The following FAAH2 variants were observed in gnomAD, a reference collection of about 807,000 sequenced individuals.
FAAH2 encodes the protein fatty-acid amide hydrolase 2.
FAAH2 carries 60 observed loss-of-function variants against 36.9 expected under a neutral mutation model. The observed-to-expected ratio is 1.63, with a 90% CI of 1.32 to 2.02. FAAH2 has a LOEUF of 2.02. Among genes scored for constraint, FAAH2 ranks in the 30% most tolerant of loss-of-function variants. The pLI, the probability that FAAH2 is intolerant of heterozygous loss-of-function variation, is 0.00. For missense variants in FAAH2, 689 were observed against 397.5 expected, an observed-to-expected ratio of 1.73 and a Z score of -6.23; for synonymous variants, 214 against 143.8, an observed-to-expected ratio of 1.49 and a Z score of -3.49.
chrX:57,147,620 G>C, the FAAH2 span, among the ~76,000 whole-genome samples: 2 of 111,433 alleles, frequency 1.8e-5, no homozygotes, highest in Non-Finnish European at 3.8e-5. Flanking sequence ...GTTTGTTTTT[G>C]TTTCTCTAGT....
At chrX:57,241,170 T>A in the FAAH2 span, among the ~76,000 whole-genome samples, 10 of 112,063 alleles carry the variant, frequency 8.9e-5, no homozygotes, top group Admixed American at 1.9e-4. Context: ...GTTTGTGGAC[T>A]CCTTCTTTAC....
the FAAH2 span, among the ~76,000 whole-genome samples, chrX:57,253,574 G>A: frequency 8.9e-6 from 1 of 111,806 alleles, no homozygotes; most frequent in Non-Finnish European, 1.9e-5. Flanking sequence ...GGATCTCTTG[G>A]CAGAAACCCT....
chrX:57,469,994 T>C (rs1233429668), intron 10 of FAAH2, among the ~76,000 whole-genome samples: 1 of 111,720 alleles, frequency 9.0e-6, no homozygotes, highest in Non-Finnish European at 1.9e-5. Flanking sequence ...TCCTCCTGAA[T>C]GACTACTGGG....
At chrX:57,329,123 G>T (rs947402518) in intron 3 of FAAH2, among the ~76,000 whole-genome samples, 3 of 112,323 alleles carry the variant, frequency 2.7e-5, no homozygotes, top group African/African-American at 6.5e-5. Context: ...GCAGCACAGT[G>T]CTAGCAGGTA....
intron 7 of FAAH2, among the ~76,000 whole-genome samples, chrX:57,381,308 C>T (rs1299820473): frequency 1.8e-5 from 2 of 111,336 alleles, no homozygotes; most frequent in Non-Finnish European, 3.8e-5. Flanking sequence ...TGTATCTATC[C>T]AGTGATTCTC....
At chrX:57,194,456 C>G in the FAAH2 span, among the ~76,000 whole-genome samples, 1 of 110,580 alleles carries the variant, frequency 9.0e-6, no homozygotes, top group African/African-American at 3.3e-5. Flanking sequence ...TTTATAAGCA[C>G]TTCATTGATC....
At chrX:57,143,401 T>TA in the FAAH2 span, among the ~76,000 whole-genome samples, 1 of 111,007 alleles carries the variant, frequency 9.0e-6, no homozygotes, top group Non-Finnish European at 1.9e-5. Context: ...TGCTACACTT[T>TA]AACTCCATCC....
chrX:57,317,336 T>C, intron 3 of FAAH2, among the ~76,000 whole-genome samples: 1 of 111,923 alleles, frequency 8.9e-6, no homozygotes, highest in Non-Finnish European at 1.9e-5. Flanking sequence ...ATCAAGCAAA[T>C]GTAAAGCGAA....
chrX:57,398,817 G>A (rs761519141), intron 7 of FAAH2, among the ~76,000 whole-genome samples: 10 of 111,233 alleles, frequency 9.0e-5, no homozygotes, highest in East Asian at 8.5e-4. Context: ...AGGTGGGTGC[G>A]GTCACCTTCC....
the FAAH2 span, among the ~76,000 whole-genome samples, chrX:57,225,565 G>T: frequency 9.0e-6 from 1 of 111,380 alleles, no homozygotes; most frequent in Non-Finnish European, 1.9e-5. Context: ...CTATCATATG[G>T]TCTATCTTGG....
In FAAH2 at chrX:57,357,210, A is replaced by G. The variant is rs1569288173; in HGVS notation, c.742+15820A>G. Among the ~76,000 whole-genome samples, 2 of 111,596 alleles carry G rather than the reference A, an allele frequency of 1.8e-5. 1 individual carries two copies. The highest frequency in any genetic ancestry group is 1.9e-4 in the Admixed American group (2 of 10,389). ...AGGATGGATTAAAGACTTAAATGTA[A>G]GACCTAAAACCATGAAAACCCTAGA... On this transcript the variant is annotated intron_variant, in intron 5 of 10. Transcript: ENST00000374900.
At chrX:57,432,498 CT>C (rs1414439914) in intron 8 of FAAH2, among the ~76,000 whole-genome samples, 1 of 111,526 alleles carries the variant, frequency 9.0e-6, no homozygotes, top group Non-Finnish European at 1.9e-5. Flanking sequence ...TACCTTCCCC[CT>C]GAGATGTTTT....
chrX:57,303,726 G>A (rs1004529387), intron 2 of FAAH2, among the ~76,000 whole-genome samples: 7 of 111,833 alleles, frequency 6.3e-5, no homozygotes, highest in African/African-American at 2.3e-4. Context: ...GTGTTTGTAA[G>A]AGGCCAGATT....
At chrX:57,273,984 G>GA in the FAAH2 span, among the ~76,000 whole-genome samples, 1 of 110,645 alleles carries the variant, frequency 9.0e-6, no homozygotes, top group Non-Finnish European at 1.9e-5. Context: ...TGTTTTTTTA[G>GA]AAAAATCAAC....
At chrX:57,275,770 A>G in the FAAH2 span, among the ~76,000 whole-genome samples, 63 of 111,851 alleles carry the variant, frequency 5.6e-4, 1 homozygote, top group Admixed American at 5.7e-3. Flanking sequence ...AGCGGTTGCA[A>G]TGCTAGTCTC....
At chrX:57,149,903 A>G in the FAAH2 span, among the ~76,000 whole-genome samples, 1 of 111,681 alleles carries the variant, frequency 9.0e-6, no homozygotes, top group African/African-American at 3.3e-5. Flanking sequence ...ATTTAGTGCT[A>G]TAAATTTCTC....
chrX:57,331,895 T>C lies in FAAH2; in HGVS notation c.622+88T>C, dbSNP rs764327642. On this transcript the variant is annotated intron_variant, in intron 4 of 10. Coordinates refer to ENST00000374900, the MANE Select transcript of FAAH2 (RefSeq NM_174912.4). ...TTAATAAACATGATACAGTATAGCATCTATGACCTATAAGAATGGATGCAA... is the reference window on the plus strand; with the variant it reads ...TTAATAAACATGATACAGTATAGCACCTATGACCTATAAGAATGGATGCAA... The C allele has an allele frequency of 1.9e-5, 17 of 916,575 alleles. No individual in the cohort carries two copies. The South Asian group carries it at 3.9e-4, about 21-fold the overall frequency. The allele number at this position is 916,575 out of a possible 1,213,427, so 75.5% of individuals were successfully genotyped here. A position where few individuals can be genotyped will look rare whatever the true frequency, so the allele number is the denominator to read the frequency against.
Position 57,420,984 on chromosome X carries a change from G to C in FAAH2, c.997-10934G>C, listed in dbSNP as rs12558829. Among the ~76,000 whole-genome samples the C allele has an allele frequency of 6.7e-3, 752 of 112,234 alleles. 14 individuals are homozygous for C. The highest frequency in any genetic ancestry group is 0.051 in the Admixed American group (544 of 10,590). Reference sequence around the variant, plus strand: ...TCTGCATCTATTGAGATAATTATGTGGTTTTTGTCTTTGGTTTTGTTTATT... The same window carrying C: ...TCTGCATCTATTGAGATAATTATGTCGTTTTTGTCTTTGGTTTTGTTTATT... On this transcript the variant is annotated intron_variant, in intron 7 of 10. Transcript: ENST00000374900.
chrX:57,215,652 T>G, the FAAH2 span, among the ~76,000 whole-genome samples: 1 of 110,672 alleles, frequency 9.0e-6, no homozygotes, highest in East Asian at 2.8e-4. Flanking sequence ...TGAATGAGAT[T>G]ATATCCTTTG....
Sources: allele counts gnomAD v4.1 joint callset (sites outside exome capture counted in the v4.1 genomes callset), GRCh38; gene constraint gnomAD v4.1.1; transcripts MANE v1.5; gene names NCBI Gene and HGNC (gene_info 2026-07-23, HGNC 2026-07-21).